The following EVI5 variants were observed in gnomAD, a reference collection of about 807,000 sequenced individuals.
EVI5 encodes ecotropic viral integration site 5 protein homolog.
EVI5 carries 73 observed loss-of-function variants against 112.0 expected under a neutral mutation model. The ratio of observed to expected loss-of-function variants is 0.65; its 90% CI spans 0.54 to 0.79. The LOEUF (loss-of-function observed/expected upper bound fraction) is 0.79, where lower values mean the gene tolerates loss of function less well. Among genes scored for constraint, EVI5 ranks in the 30% least tolerant of loss-of-function variants. EVI5 has a pLI of 0.00. For synonymous variants in EVI5, 305 were observed against 319.9 expected, an observed-to-expected ratio of 0.95 and a Z score of 0.50; for missense variants, 900 against 968.8, an observed-to-expected ratio of 0.93 and a Z score of 0.94.
At chr1:92,576,211 T>C (rs543261736) in intron 18 of EVI5, among the ~76,000 whole-genome samples, 1 of 151,254 alleles carries the variant, frequency 6.6e-6, no homozygotes, top group Admixed American at 6.6e-5. Context: ...TATGATATTA[T>C]GTATACATGT....
intron 18 of EVI5, among the ~76,000 whole-genome samples, chr1:92,589,838 T>C (rs551736136): frequency 6.6e-5 from 10 of 152,268 alleles, no homozygotes; most frequent in Non-Finnish European, 1.5e-4. Flanking sequence ...CCCTGACCCC[T>C]GAGTAGCCTA....
chr1:92,624,231 T>G lies in EVI5; in HGVS notation c.1772A>C (p.Glu591Ala). ...TATTTCTCTTATTTCTGCTTGTGTT[T>G]CAGCTTCTCTAAGTCGAATGGTCAT... ...ELMTIRLREA[E>A]TQAEIREIKQ... is the part of the protein sequence containing the mutation. Residue 591 changes from glutamate to alanine, a missense_variant, in exon 16 of 20, where the codon GAA becomes GCA. Physicochemically the swap from Glu to Ala is moderately radical, Grantham distance 107. Coordinates refer to ENST00000684568, the MANE Select transcript of EVI5 (RefSeq NM_001350197.2). The G allele has an allele frequency of 1.2e-6, 2 of 1,613,894 alleles. No individual in the cohort carries two copies. The highest frequency in any genetic ancestry group is 1.7e-4 in the Middle Eastern group (1 of 6,058).
chr1:92,773,251 G>A (rs1341210917), intron 1 of EVI5, among the ~76,000 whole-genome samples: 3 of 150,380 alleles, frequency 2.0e-5, no homozygotes, highest in Non-Finnish European at 4.4e-5. Flanking sequence ...CCAAATAGGA[G>A]ATAGGACAAA....
chr1:92,554,540 G>A (rs547601039), intron 19 of EVI5, among the ~76,000 whole-genome samples: 4 of 152,222 alleles, frequency 2.6e-5, no homozygotes, highest in African/African-American at 7.2e-5. Flanking sequence ...TTTACATAGC[G>A]CTATTGTTCC....
chr1:92,788,748 C>T (rs750060164), upstream of EVI5, among the ~76,000 whole-genome samples: 3 of 151,828 alleles, frequency 2.0e-5, no homozygotes, highest in East Asian at 1.9e-4. Context: ...GAGCCGAGAT[C>T]GCGCCACTGC....
intron 1 of EVI5, among the ~76,000 whole-genome samples, chr1:92,760,924 G>A (rs189664486): frequency 1.3e-5 from 2 of 151,590 alleles, no homozygotes; most frequent in Non-Finnish European, 2.9e-5. Flanking sequence ...CGGGCGTGGT[G>A]GTGGGCGCCT....
intron 19 of EVI5, among the ~76,000 whole-genome samples, chr1:92,560,002 G>T (rs753897628): frequency 6.6e-6 from 1 of 152,122 alleles, no homozygotes; most frequent in Non-Finnish European, 1.5e-5. Flanking sequence ...CATAGTCACA[G>T]AATGGCTAAA....
intron 18 of EVI5, among the ~76,000 whole-genome samples, chr1:92,589,626 A>C (rs1256203673): frequency 6.6e-6 from 1 of 152,122 alleles, no homozygotes; most frequent in African/African-American, 2.4e-5. Flanking sequence ...AGAAGCTCCA[A>C]CTGGGTGGAG....
chr1:92,524,373 C>T (rs1661496001), intron 19 of EVI5, among the ~76,000 whole-genome samples: 1 of 152,208 alleles, frequency 6.6e-6, no homozygotes, highest in South Asian at 2.1e-4. Context: ...TAATTTATCA[C>T]TTCCATTTTC....
chr1:92,617,161 C>G (rs1401049333), intron 16 of EVI5, among the ~76,000 whole-genome samples: 3 of 152,196 alleles, frequency 2.0e-5, no homozygotes, highest in Non-Finnish European at 2.9e-5. Context: ...CAGCCCCTTT[C>G]TAGGACATCC....
chr1:92,550,707 A>C (rs1161585234), intron 19 of EVI5, among the ~76,000 whole-genome samples: 2 of 118,234 alleles, frequency 1.7e-5, no homozygotes, highest in Admixed American at 2.0e-4. Context: ...ACATCTGGCC[A>C]CTGCACTCCA....
chr1:92,663,560 A>C, intron 11 of EVI5, 108 bp from the exon 12 acceptor site: 1 of 496,502 alleles, frequency 2.0e-6, no homozygotes, highest in Non-Finnish European at 3.5e-6. Flanking sequence ...TTCATTGCTA[A>C]TTAAAATGGA....
rs373515918 is a variant in EVI5, at chr1:92,684,414, G to A, written c.1098-7196C>T. On this transcript the variant is annotated intron_variant, in intron 9 of 19. Coordinates refer to ENST00000684568, the MANE Select transcript of EVI5 (RefSeq NM_001350197.2). Reference sequence around the variant, plus strand: ...GCTCCTGAAGGAAGCACTAAACATGGAAAAGAACAACTGGTGCCAGCCACT... The same window carrying A: ...GCTCCTGAAGGAAGCACTAAACATGAAAAAGAACAACTGGTGCCAGCCACT... 8.5e-5 allele frequency among the ~76,000 whole-genome samples: 13 copies of A among 152,258 alleles called. No individual in the cohort carries two copies. In the East Asian group the frequency reaches 9.6e-4, roughly 11 times the overall value.
At chr1:92,573,134 T>C (rs2101008328) in intron 18 of EVI5, among the ~76,000 whole-genome samples, 1 of 152,068 alleles carries the variant, frequency 6.6e-6, no homozygotes, top group African/African-American at 2.4e-5. Context: ...CCCTAGAAAA[T>C]ATTTAAAACA....
chr1:92,522,177 C>T (rs1353042565), intron 19 of EVI5, among the ~76,000 whole-genome samples: 2 of 152,192 alleles, frequency 1.3e-5, no homozygotes, highest in Non-Finnish European at 2.9e-5. Flanking sequence ...CTCACAATAG[C>T]ACTGCCATGA....
At chr1:92,570,274 A>G (rs1670135314) in intron 18 of EVI5, among the ~76,000 whole-genome samples, 1 of 152,172 alleles carries the variant, frequency 6.6e-6, no homozygotes, top group African/African-American at 2.4e-5. Flanking sequence ...ATTTGGATAC[A>G]TATGCTCAGC....
chr1:92,659,327 G>C (rs1663571689), intron 13 of EVI5, among the ~76,000 whole-genome samples: 1 of 151,824 alleles, frequency 6.6e-6, no homozygotes, highest in African/African-American at 2.4e-5. Context: ...CTACAGAATG[G>C]GAGAAAATAT....
In EVI5 at chr1:92,604,233, G is replaced by A. The variant is rs145112005; in HGVS notation, c.2070+1074C>T. Reference sequence around the variant, plus strand: ...AAATAAGCTGGGTGTGGTCATGTGTGCCTGTAGTCCCAGGTACTCGGGAAG... The same window carrying A: ...AAATAAGCTGGGTGTGGTCATGTGTACCTGTAGTCCCAGGTACTCGGGAAG... On this transcript the variant is annotated intron_variant, in intron 18 of 19. Coordinates refer to ENST00000684568, the MANE Select transcript of EVI5 (RefSeq NM_001350197.2). Among the ~76,000 whole-genome samples the A allele has an allele frequency of 1.3e-4, 20 of 151,918 alleles. 1 individual carries two copies. The highest frequency in any genetic ancestry group is 4.8e-4 in the African/African-American group (20 of 41,426).
Position 92,619,179 on chromosome 1 carries a change from A to C in EVI5, c.1827+4997T>G, listed in dbSNP as rs187677400. Among the ~76,000 whole-genome samples the C allele has an allele frequency of 3.9e-4, 59 of 152,258 alleles. No homozygotes were observed. In the East Asian group the frequency reaches 0.011, roughly 28 times the overall value. ...GCCAAAAGAGATTAACATTTGAGTC[A>C]GTGGGCTGGGGTAGGCAGATCCACC... On this transcript the variant is annotated intron_variant, in intron 16 of 19. Transcript: ENST00000684568.
Sources: gnomAD v4.1 joint callset for allele counts (sites outside exome capture counted in the v4.1 genomes callset) on GRCh38, gnomAD v4.1.1 for gene constraint, MANE v1.5 for transcripts, NCBI Gene and HGNC (gene_info 2026-07-23, HGNC 2026-07-21) for gene names.